KIAA0513: variants seen among roughly 807,000 people sequenced by gnomAD.
KIAA0513 encodes KIAA0513, also known as uncharacterized protein KIAA0513.
A neutral mutation model predicts 56.5 loss-of-function variants in KIAA0513; 39 were observed. The observed-to-expected ratio is 0.69, with a 90% confidence interval of 0.53 to 0.90. The LOEUF (loss-of-function observed/expected upper bound fraction) is 0.90, where lower values mean the gene tolerates loss of function less well. KIAA0513 is among the 40% of genes least tolerant of loss of function. The probability of loss-of-function intolerance (pLI) is 0.00; values close to 1 mark genes in which losing one functional copy is unlikely to be tolerated. For synonymous variants in KIAA0513, 268 were observed against 215.6 expected, an observed-to-expected ratio of 1.24 and a Z score of -2.13; for missense variants, 591 against 535.2, an observed-to-expected ratio of 1.10 and a Z score of -1.03.
chr16:85,054,738 T>C (rs2073304046), intron 1 of KIAA0513, among the ~76,000 whole-genome samples: 1 of 151,928 alleles, frequency 6.6e-6, no homozygotes, highest in Non-Finnish European at 1.5e-5. Context: ...CCAAAATCCA[T>C]GTTTCTGTAC....
At chr16:85,082,652 T>C in intron 10 of KIAA0513, 59 bp downstream of exon 10, 1 of 1,547,154 alleles carries the variant, frequency 6.5e-7, no homozygotes, top group Non-Finnish European at 8.9e-7. Context: ...CGAAGGCCAC[T>C]GCAGGGTGGG....
rs373718057 is a variant in KIAA0513 at position 85,092,596 on chromosome 16, C to G, written c.*4271C>G. ...GTCGTTCTCACTCCTTTTCCTGTCC[C>G]GTTTCCAGTCCCACTGAGCCATTCA... is the stretch of plus-strand genomic sequence containing the variant. On this transcript the variant is annotated 3_prime_UTR_variant, in exon 13 of 13. Coordinates refer to ENST00000683363, the MANE Select transcript of KIAA0513 (RefSeq NM_001388359.1). 6.6e-6 allele frequency: 1 copy of G among 152,224 alleles called. No individual in the cohort carries two copies. The highest frequency in any genetic ancestry group is 1.5e-5 in the Non-Finnish European group (1 of 68,066). The allele number at this position is 152,224 out of a possible 1,614,324, so 9.4% of individuals were successfully genotyped here.
intron 5 of KIAA0513, 45 bp from the exon 6 acceptor site, chr16:85,077,380 T>C (rs774279622): frequency 6.3e-7 from 1 of 1,583,888 alleles, no homozygotes; most frequent in Non-Finnish European, 8.6e-7. Context: ...AGCAGGCGCA[T>C]ACCCCAGCCT....
At chr16:85,080,270 C>G (rs1567545107) in intron 8 of KIAA0513, among the ~76,000 whole-genome samples, 1 of 152,164 alleles carries the variant, frequency 6.6e-6, no homozygotes, top group Non-Finnish European at 1.5e-5. Flanking sequence ...TTTTCATTGT[C>G]ACTTGGCAAA....
At chr16:85,052,346 ATAG>A (rs67712391) in intron 1 of KIAA0513, among the ~76,000 whole-genome samples, 2 of 149,122 alleles carry the variant, frequency 1.3e-5, no homozygotes, top group Admixed American at 6.7e-5. Context: ...AACAACAACA[ATAG>A]CAACAACAAA....
chr16:85,065,494 G>A (rs1227728262), intron 1 of KIAA0513, among the ~76,000 whole-genome samples: 1 of 152,208 alleles, frequency 6.6e-6, no homozygotes, highest in East Asian at 1.9e-4. Context: ...CACCACGCTG[G>A]TGACCTGGAA....
Position 85,093,328 on chromosome 16 carries a change from T to C in KIAA0513, c.*5003T>C, listed in dbSNP as rs1415844136. 5 of 152,122 alleles carry C rather than the reference T, an allele frequency of 3.3e-5. No individual in the cohort carries two copies. Among genetic ancestry groups the C allele is most frequent in the Non-Finnish European group, 7.4e-5 (5 of 68,014 alleles). The allele number at this position is 152,122 out of a possible 1,614,324, so 9.4% of individuals were successfully genotyped here. ...TCACCATATCCAAGGGGAGAGACGA[T>C]GGGCTGGGTTTGTTTACTCCAACTT... On this transcript the variant is annotated 3_prime_UTR_variant, in exon 13 of 13. Coordinates refer to ENST00000683363, the MANE Select transcript of KIAA0513 (RefSeq NM_001388359.1).
intron 1 of KIAA0513, among the ~76,000 whole-genome samples, chr16:85,045,953 G>A (rs927946144): frequency 1.5e-4 from 23 of 152,236 alleles, no homozygotes; most frequent in East Asian, 5.8e-4. Flanking sequence ...GATGGCAGCC[G>A]ACAATGTGCA....
intron 8 of KIAA0513, 188 bp downstream of exon 8, chr16:85,079,191 G>A: frequency 8.0e-7 from 1 of 1,257,770 alleles, no homozygotes; most frequent in Non-Finnish European, 1.1e-6. Context: ...GAGCTCTCCT[G>A]TATGGCTAGG....
Position 85,088,450 on chromosome 16 carries a change from C to CAGTCTGTATAGACAGACGCACAGGACA in KIAA0513, c.*125_*126insAGTCTGTATAGACAGACGCACAGGACA. On this transcript the variant is annotated 3_prime_UTR_variant, in exon 13 of 13. Transcript: ENST00000683363. ...GCAGCACCCAGAGCCACTCCTGCTGCCCTAGAACTAGCGGTTAGAAGAATC... is the reference window on the plus strand; with the variant it reads ...GCAGCACCCAGAGCCACTCCTGCTGCAGTCTGTATAGACAGACGCACAGGACACCTAGAACTAGCGGTTAGAAGAATC... 1.3e-6 allele frequency: 1 copy of CAGTCTGTATAGACAGACGCACAGGACA among 749,492 alleles called. No homozygotes were observed. 46.4% of individuals were successfully genotyped at this position (749,492 alleles called of 1,614,324 possible). A position where few individuals can be genotyped will look rare whatever the true frequency, so the allele number is the denominator to read the frequency against.
chr16:85,064,933 C>T (rs1215125588), intron 1 of KIAA0513, among the ~76,000 whole-genome samples: 4 of 151,898 alleles, frequency 2.6e-5, no homozygotes, highest in Non-Finnish European at 4.4e-5. Context: ...GATCCACCCG[C>T]GTCAGCCTCC....
chr16:85,081,348 T>G lies in KIAA0513; in HGVS notation c.936T>G (p.Phe312Leu). ...HTLRFWNAAFFDAVHCERTKR... is the reference protein window; with the variant it reads ...HTLRFWNAAFLDAVHCERTKR... ...TGAGGTTCTGGAATGCAGCCTTTTT[T>G]GACGCTGTCCATTGTGAGAGGACAA... The change falls in exon 9 of 13, where the codon TTT (phenylalanine) becomes TTG (leucine). Residue 312 changes from phenylalanine (F) to leucine (L), a missense_variant. By Grantham distance (22) the Phe-to-Leu change is conservative. Transcript: ENST00000683363. The surrounding 1 kb of genome is among the most constrained non-coding windows in gnomAD (Gnocchi z 4.4). 6.2e-7 allele frequency: 1 copy of G among 1,601,998 alleles called. No homozygotes were observed. The highest frequency in any genetic ancestry group is 8.5e-7 in the Non-Finnish European group (1 of 1,174,220).
chr16:85,030,137 G>A (rs1034328449), intron 1 of KIAA0513, among the ~76,000 whole-genome samples: 1 of 152,166 alleles, frequency 6.6e-6, no homozygotes, highest in Non-Finnish European at 1.5e-5. Flanking sequence ...CCCTGCGCCC[G>A]CCCCAAGCTT....
chr16:85,042,399 G>A (rs976512988), intron 1 of KIAA0513, among the ~76,000 whole-genome samples: 1 of 152,160 alleles, frequency 6.6e-6, no homozygotes, highest in African/African-American at 2.4e-5. Context: ...GCTATGTAAA[G>A]GGTCCTTATT....
intron 2 of KIAA0513, among the ~76,000 whole-genome samples, chr16:85,071,405 A>C (rs996795816): frequency 1.3e-5 from 2 of 152,326 alleles, no homozygotes; most frequent in African/African-American, 4.8e-5. Context: ...ATCAAAAACT[A>C]GTGGGAAGTC....
intron 12 of KIAA0513, 26 bp downstream of exon 12, chr16:85,087,192 G>C (rs751258641): frequency 6.3e-7 from 1 of 1,593,364 alleles, no homozygotes; most frequent in South Asian, 1.1e-5. Flanking sequence ...GCTGCTGGCA[G>C]GAGGCGGGCA....
chr16:85,069,461 A>G (rs1162558485), intron 2 of KIAA0513, among the ~76,000 whole-genome samples: 2 of 152,032 alleles, frequency 1.3e-5, no homozygotes, highest in African/African-American at 4.8e-5. Context: ...AATAAGGAGT[A>G]TTGACAATTG....
chr16:85,031,513 A>C (rs2072964478), intron 1 of KIAA0513, among the ~76,000 whole-genome samples: 1 of 152,182 alleles, frequency 6.6e-6, no homozygotes, highest in Admixed American at 6.5e-5. Flanking sequence ...TCTTGAGTTA[A>C]ATCTTGTCTG....
intron 1 of KIAA0513, among the ~76,000 whole-genome samples, chr16:85,034,332 A>G (rs1385206748): frequency 6.6e-6 from 1 of 152,164 alleles, no homozygotes; most frequent in Non-Finnish European, 1.5e-5. Flanking sequence ...ATGAGCTGAG[A>G]TCACACCATT....
Sources: allele counts gnomAD v4.1 joint callset (sites outside exome capture counted in the v4.1 genomes callset), GRCh38; gene constraint gnomAD v4.1.1; non-coding constraint Gnocchi (gnomAD v3.1); transcripts MANE v1.5; gene names NCBI Gene and HGNC (gene_info 2026-07-23, HGNC 2026-07-21).